BCOR: variants seen among roughly 807,000 people sequenced by gnomAD.
BCOR encodes BCL6 corepressor, also known as BCL-6 corepressor.
BCOR carries 10 observed loss-of-function variants against 86.7 expected under a neutral mutation model. The ratio of observed to expected loss-of-function variants is 0.12; its 90% CI spans 0.07 to 0.20. BCOR has a LOEUF of 0.20. BCOR is among the 10% of genes least tolerant of loss of function. The pLI is 1.00. For synonymous variants in BCOR, 611 were observed against 609.0 expected (o/e 1.00, Z -0.05); for missense variants, 1,259 against 1,452.1 (o/e 0.87, Z 2.16).
Position 40,052,415 on chromosome X carries a change from G to A in BCOR, c.4977-15C>T. On this transcript the variant is annotated splice_polypyrimidine_tract_variant and intron_variant, in intron 14 of 14. Transcript: ENST00000378444. ...AGTTTCGTGGCCTACAAAACAGAAA[G>A]GAAAATGCTTTGAGTTTCCAGTAAA... 1 of 1,206,880 alleles carries A rather than the reference G, an allele frequency of 8.3e-7. No individual in the cohort carries two copies. The highest frequency in any genetic ancestry group is 1.7e-5 in the African/African-American group (1 of 57,654).
At chrX:40,169,594 A>C (rs1333472689) in intron 1 of BCOR, among the ~76,000 whole-genome samples, 3 of 110,443 alleles carry the variant, frequency 2.7e-5, no homozygotes, top group African/African-American at 9.9e-5. Flanking sequence ...CTCTTCAACC[A>C]AGCCTTCTGG....
chrX:40,147,609 G>A (rs188814894), intron 1 of BCOR, among the ~76,000 whole-genome samples: 4 of 113,298 alleles, frequency 3.5e-5, no homozygotes, highest in African/African-American at 9.6e-5. Context: ...GACGCACTCG[G>A]AGAGGCAGAG....
intron 1 of BCOR, among the ~76,000 whole-genome samples, chrX:40,133,634 G>A (rs2069718682): frequency 9.2e-6 from 1 of 108,376 alleles, no homozygotes; most frequent in Non-Finnish European, 1.9e-5. Context: ...TAATTTTTTT[G>A]TATTTTTAGT....
At chrX:40,063,506 G>A (rs1404070731) in intron 8 of BCOR, 102 bp downstream of exon 8, 1 of 658,539 alleles carries the variant, frequency 1.5e-6, no homozygotes, top group East Asian at 3.2e-5. Context: ...GAAGTCAATT[G>A]CTATGGCCTT....
chrX:40,105,555 G>A (rs1196252339), intron 1 of BCOR, among the ~76,000 whole-genome samples: 3 of 111,936 alleles, frequency 2.7e-5, no homozygotes, highest in Non-Finnish European at 5.7e-5. Flanking sequence ...ACCACCATAA[G>A]CACGCCCCCC....
chrX:40,131,128 G>A (rs1169316020), intron 1 of BCOR, among the ~76,000 whole-genome samples: 1 of 111,876 alleles, frequency 8.9e-6, no homozygotes, highest in Non-Finnish European at 1.9e-5. Context: ...GACCCTCCTG[G>A]GCCCCAAACC....
chrX:40,170,524 T>G (rs902000958), intron 1 of BCOR, among the ~76,000 whole-genome samples: 1 of 110,926 alleles, frequency 9.0e-6, no homozygotes, highest in Admixed American at 9.6e-5. Flanking sequence ...ATTTTTTGTA[T>G]TTTTACTAGA....
At chrX:40,072,249 T>C in intron 4 of BCOR, 100 bp downstream of exon 4, 1 of 907,457 alleles carries the variant, frequency 1.1e-6, no homozygotes, top group Non-Finnish European at 1.6e-6. Context: ...ATTCACCAAA[T>C]CTGCCTGGTG....
chrX:40,066,206 A>C (rs1935194566), intron 6 of BCOR, among the ~76,000 whole-genome samples: 1 of 111,783 alleles, frequency 8.9e-6, no homozygotes, highest in Non-Finnish European at 1.9e-5. Flanking sequence ...CTGTAGGTAC[A>C]ACCAGCAACG....
rs1569182584 is a variant in BCOR, at chrX:40,110,661, C to CTTTTT, written c.-40-32697_-40-32693dup. Among the ~76,000 whole-genome samples, 6 of 24,725 alleles carry CTTTTT rather than the reference C, an allele frequency of 2.4e-4. 1 individual carries two copies. In the Admixed American group the frequency reaches 2.5e-3, roughly 10 times the overall value. The allele number at this position is 24,725 out of a possible 115,157, so 21.5% of individuals were successfully genotyped here. A position where few individuals can be genotyped will look rare whatever the true frequency, so the allele number is the denominator to read the frequency against. On this transcript the variant is annotated intron_variant, in intron 1 of 14. Transcript: ENST00000342274. ...TTTCTTTTCTTTTTTTTCTTTTTTCCTTTTTCTTTTTTTTTTTTTTTTTTT... is the reference window on the plus strand; with the variant it reads ...TTTCTTTTCTTTTTTTTCTTTTTTCCTTTTTTTTTTCTTTTTTTTTTTTTTTTTTT...
intron 1 of BCOR, among the ~76,000 whole-genome samples, chrX:40,115,858 T>C (rs1306064545): frequency 9.1e-6 from 1 of 110,149 alleles, no homozygotes; most frequent in African/African-American, 3.3e-5. Flanking sequence ...GTTTGAAAAA[T>C]ACCTGTACCT....
rs371551080 is a variant in BCOR at position 40,054,368 on chromosome X, A to T, written c.4742-35T>A. 37 of 1,088,297 alleles carry T rather than the reference A, an allele frequency of 3.4e-5. 1 individual carries two copies. In the African/African-American group the frequency reaches 5.8e-4, roughly 17 times the overall value. The allele number at this position is 1,088,297 out of a possible 1,213,427, so 89.7% of individuals were successfully genotyped here. A position where few individuals can be genotyped will look rare whatever the true frequency, so the allele number is the denominator to read the frequency against. Reference sequence around the variant, plus strand: ...GAGAAAAATAAAAAAACAAGATAAAATCTACTGCTGAGAACAAAATGATGG... The same window carrying T: ...GAGAAAAATAAAAAAACAAGATAAATTCTACTGCTGAGAACAAAATGATGG... On this transcript the variant is annotated intron_variant, in intron 12 of 14. Coordinates refer to ENST00000378444, the MANE Select transcript of BCOR (RefSeq NM_001123385.2).
intron 1 of BCOR, among the ~76,000 whole-genome samples, chrX:40,121,361 CCAAA>C (rs772843848): frequency 1.8e-5 from 2 of 112,354 alleles, no homozygotes; most frequent in Admixed American, 1.9e-4. Flanking sequence ...GATACCTTCC[CCAAA>C]CAGTCATCCA....
At chrX:40,118,228 C>T (rs1384889480) in intron 1 of BCOR, among the ~76,000 whole-genome samples, 1 of 109,796 alleles carries the variant, frequency 9.1e-6, no homozygotes, top group Non-Finnish European at 1.9e-5. Context: ...CACTTTCTTT[C>T]CTCTTCTTGC....
chrX:40,137,840 G>A (rs928253077), intron 1 of BCOR, among the ~76,000 whole-genome samples: 1 of 111,997 alleles, frequency 8.9e-6, no homozygotes, highest in Admixed American at 9.5e-5. Context: ...AGATCTTACC[G>A]GTCTGTGGGT....
At chrX:40,168,938 C>G (rs1014611251) in intron 1 of BCOR, among the ~76,000 whole-genome samples, 2 of 112,455 alleles carry the variant, frequency 1.8e-5, no homozygotes, top group Non-Finnish European at 3.8e-5. Flanking sequence ...CCGCCCTGGC[C>G]GGCGCAGGGC....
chrX:40,075,173 G>A lies in BCOR; in HGVS notation c.173C>T (p.Ala58Val), dbSNP rs766556436. The part of the protein sequence containing the change: ...ENPLNHNVVD[A>V]STAHRIDGLA... ...GCCATCGATCCTATGGGCCGTGCTC[G>A]CATCCACCTTTGCAGAAGAACAACA... The change falls in exon 4 of 15, where the codon GCG becomes GTG. Residue 58 changes from alanine (A) to valine (V), a missense_variant. Ala to Val is a moderately conservative substitution (Grantham distance 64). Transcript: ENST00000378444. 5 of 1,206,661 alleles carry A rather than the reference G, an allele frequency of 4.1e-6. No homozygotes were observed. Among genetic ancestry groups the A allele is most frequent in the Middle Eastern group, 2.3e-4 (1 of 4,324 alleles).
At chrX:40,142,819 A>C (rs1416173277) in intron 1 of BCOR, among the ~76,000 whole-genome samples, 1 of 111,689 alleles carries the variant, frequency 9.0e-6, no homozygotes, top group Non-Finnish European at 1.9e-5. Context: ...CTGAGGGTAA[A>C]CAGAAAGCAC....
At chrX:40,162,736 T>C (rs1938444972) in intron 1 of BCOR, among the ~76,000 whole-genome samples, 1 of 111,799 alleles carries the variant, frequency 8.9e-6, no homozygotes. Flanking sequence ...AAGGGAGCCA[T>C]AGAAAATAAT....
Sources: allele counts gnomAD v4.1 joint callset (sites outside exome capture counted in the v4.1 genomes callset), GRCh38; gene constraint gnomAD v4.1.1; transcripts MANE v1.5; gene names NCBI Gene and HGNC (gene_info 2026-07-23, HGNC 2026-07-21).